ECPAS: variants seen among roughly 807,000 people sequenced by gnomAD.
The protein encoded by ECPAS is proteasome adapter and scaffold protein ECM29.
A neutral mutation model predicts 255.1 loss-of-function variants in ECPAS; 70 were observed. That is an observed-to-expected ratio of 0.27 (90% CI 0.23 to 0.33). The LOEUF is 0.33. ECPAS is among the 10% of genes least tolerant of loss of function. The pLI, the probability that ECPAS is intolerant of heterozygous loss-of-function variation, is 1.00. For missense variants in ECPAS, 1,817 were observed against 2,206.4 expected, an observed-to-expected ratio of 0.82 and a Z score of 3.54; for synonymous variants, 784 against 775.0, an observed-to-expected ratio of 1.01 and a Z score of -0.19.
Position 111,394,238 on chromosome 9 carries a change from G to A in ECPAS, c.2844C>T (p.Pro948=), listed in dbSNP as rs1339478805. 6.2e-7 allele frequency: 1 copy of A among 1,606,090 alleles called. No individual in the cohort carries two copies. Among genetic ancestry groups the A allele is most frequent in the East Asian group, 2.3e-5 (1 of 44,418 alleles). The part of the protein sequence containing the change: ...DVILNKHIIS[P]NPHVRQAACI... ...AGGCTGCTTGCCTCACGTGTGGGTT[G>A]GGGCTGATGATATGTTTATTTAAAA... The change falls in exon 26 of 50, where the codon CCC becomes CCT. Residue 948 remains proline (P), a synonymous_variant. Transcript: ENST00000684092.
rs114729085 is a variant in ECPAS at position 111,480,931 on chromosome 9, A to G, written c.-83+3185T>C. Among the ~76,000 whole-genome samples, 354 of 152,356 alleles carry G rather than the reference A, an allele frequency of 2.3e-3. 4 individuals are homozygous for G. Among genetic ancestry groups the G allele is most frequent in the African/African-American group, 8.3e-3 (347 of 41,588 alleles). ...ACCTGAATGTATGGAAGCACACTGC[A>G]TAGACACAAATACTTCAGCCACTTC... is the stretch of plus-strand genomic sequence containing the variant. On this transcript the variant is annotated intron_variant, in intron 1 of 49. Coordinates refer to ENST00000684092, the MANE Select transcript of ECPAS (RefSeq NM_001364929.1).
intron 3 of ECPAS, 38 bp from the exon 4 acceptor site, chr9:111,444,532 A>C (rs375820080): frequency 7.4e-7 from 1 of 1,342,820 alleles, no homozygotes; most frequent in East Asian, 2.3e-5. Flanking sequence ...GTTATTGATC[A>C]TATCTTAAAA....
intron 34 of ECPAS, 143 bp downstream of exon 34, chr9:111,384,379 A>G (rs2098144577): frequency 1.4e-6 from 1 of 701,988 alleles, no homozygotes; most frequent in Admixed American, 2.2e-5. Context: ...TCACTTTCTC[A>G]TTCATTCTAA....
chr9:111,449,460 T>C (rs1436322537), intron 3 of ECPAS, among the ~76,000 whole-genome samples: 1 of 152,090 alleles, frequency 6.6e-6, no homozygotes, highest in East Asian at 1.9e-4. Context: ...ATGTATTCCA[T>C]AACATCATGT....
chr9:111,411,240 C>T, intron 21 of ECPAS, 98 bp from the exon 22 acceptor site: 2 of 1,228,652 alleles, frequency 1.6e-6, no homozygotes, highest in East Asian at 4.7e-5. Context: ...ATCTCTCCAA[C>T]AAAACATAAG....
At chr9:111,448,033 A>G (rs2098255592) in intron 3 of ECPAS, among the ~76,000 whole-genome samples, 1 of 152,174 alleles carries the variant, frequency 6.6e-6, no homozygotes, top group African/African-American at 2.4e-5. Flanking sequence ...TAGAAGATCT[A>G]AAATGTTCCC....
intron 7 of ECPAS, among the ~76,000 whole-genome samples, chr9:111,435,940 G>C (rs1028066518): frequency 5.4e-5 from 8 of 146,928 alleles, no homozygotes; most frequent in Non-Finnish European, 1.0e-4. Context: ...CGCCCACTTT[G>C]GCCTCCCAAA....
chr9:111,362,545 C>T (rs547331028), intron 49 of ECPAS, among the ~76,000 whole-genome samples: 9 of 151,086 alleles, frequency 6.0e-5, no homozygotes, highest in African/African-American at 1.5e-4. Context: ...TCATAAGATA[C>T]GGTCAGTTAA....
intron 3 of ECPAS, among the ~76,000 whole-genome samples, chr9:111,445,133 T>A (rs1032816682): frequency 6.6e-6 from 1 of 151,452 alleles, no homozygotes; most frequent in Non-Finnish European, 1.5e-5. Context: ...GTAGCTGGGA[T>A]TACAGGTACC....
intron 46 of ECPAS, 37 bp downstream of exon 46, chr9:111,368,998 T>C (rs2098124073): frequency 2.0e-6 from 3 of 1,490,706 alleles, no homozygotes; most frequent in African/African-American, 1.4e-5. Flanking sequence ...AAGTAACCTC[T>C]GGTTACAGCA....
chr9:111,421,584 T>C (rs2098214017), intron 15 of ECPAS, among the ~76,000 whole-genome samples: 1 of 152,152 alleles, frequency 6.6e-6, no homozygotes, highest in Admixed American at 6.6e-5. Context: ...TCATCCCTTC[T>C]GCTTTTCTCT....
At chr9:111,465,600 A>AATATATAT (rs60965961) in intron 2 of ECPAS, among the ~76,000 whole-genome samples, 7 of 148,920 alleles carry the variant, frequency 4.7e-5, no homozygotes, top group African/African-American at 1.5e-4. Context: ...TTTTTAAAAG[A>AATATATAT]ATATATATAT....
chr9:111,425,550 T>C (rs1390292651), intron 11 of ECPAS, 54 bp from the exon 12 acceptor site: 10 of 1,247,490 alleles, frequency 8.0e-6, no homozygotes, highest in African/African-American at 1.5e-5. Flanking sequence ...TGACTACATA[T>C]CTTTACGGAT....
At chr9:111,475,255 T>C (rs903314003) in intron 1 of ECPAS, among the ~76,000 whole-genome samples, 9 of 152,152 alleles carry the variant, frequency 5.9e-5, no homozygotes, top group South Asian at 2.1e-4. Context: ...CCATATAAAA[T>C]GGGAAGCATC....
chr9:111,481,335 T>C (rs2098304818), intron 1 of ECPAS, among the ~76,000 whole-genome samples: 1 of 151,638 alleles, frequency 6.6e-6, no homozygotes, highest in South Asian at 2.1e-4. Flanking sequence ...TGAAACCCCG[T>C]CTCTACTAAA....
intron 2 of ECPAS, among the ~76,000 whole-genome samples, chr9:111,461,949 G>A (rs775566622): frequency 2.0e-4 from 30 of 152,136 alleles, no homozygotes; most frequent in African/African-American, 5.6e-4. Context: ...TCGCTATCAC[G>A]AGAACAGCAT....
Position 111,363,655 on chromosome 9 carries a change from A to G in ECPAS, c.5313T>C (p.Asn1771=). The part of the protein sequence containing the change: ...TCKSITYSLE[N]KTYSSVRTEA... ...CTGTTCTCACAGATGAGTAGGTCTT[A>G]TTTTCTAAAAAGAAATATCATACAG... The change falls in exon 49 of 50, where the codon AAT becomes AAC. Residue 1771 remains asparagine, a synonymous_variant. Coordinates refer to ENST00000684092, the MANE Select transcript of ECPAS (RefSeq NM_001364929.1). 6.7e-7 allele frequency: 1 copy of G among 1,485,744 alleles called. No individual in the cohort carries two copies. Among genetic ancestry groups the G allele is most frequent in the Non-Finnish European group, 9.2e-7 (1 of 1,091,794 alleles). The allele number at this position is 1,485,744 out of a possible 1,614,324, so 92.0% of individuals were successfully genotyped here. A position where few individuals can be genotyped will look rare whatever the true frequency, so the allele number is the denominator to read the frequency against.
chr9:111,427,358 T>TC (rs1457316980), intron 10 of ECPAS, among the ~76,000 whole-genome samples: 1 of 152,292 alleles, frequency 6.6e-6, no homozygotes, highest in East Asian at 1.9e-4. Flanking sequence ...AAGTGAGCTT[T>TC]CAGTTAAGGA....
intron 31 of ECPAS, among the ~76,000 whole-genome samples, chr9:111,386,739 T>C (rs749223649): frequency 1.6e-4 from 24 of 152,222 alleles, no homozygotes; most frequent in Non-Finnish European, 2.6e-4. Flanking sequence ...AAGCCTTCCA[T>C]GACTCATCCA....
Sources: gnomAD v4.1 joint callset for allele counts (sites outside exome capture counted in the v4.1 genomes callset) on GRCh38, gnomAD v4.1.1 for gene constraint, MANE v1.5 for transcripts, NCBI Gene and HGNC (gene_info 2026-07-23, HGNC 2026-07-21) for gene names.